Variants in SLC4A1AP observed in about 807,000 individuals in gnomAD.
The protein encoded by SLC4A1AP is kanadaptin.
A neutral mutation model predicts 89.7 loss-of-function variants in SLC4A1AP; 64 were observed. The observed-to-expected ratio is 0.71, with a 90% CI of 0.58 to 0.88. SLC4A1AP has a LOEUF of 0.88. SLC4A1AP is among the 40% of genes least tolerant of loss of function. The probability of loss-of-function intolerance (pLI) is 0.00; values close to 1 mark genes in which losing one functional copy is unlikely to be tolerated. For missense variants in SLC4A1AP, 931 were observed against 965.0 expected, an observed-to-expected ratio of 0.96 and a Z score of 0.47; for synonymous variants, 366 against 353.3, an observed-to-expected ratio of 1.04 and a Z score of -0.40.
At chr2:27,667,803 A>G (rs530500773) in intron 3 of SLC4A1AP, among the ~76,000 whole-genome samples, 4 of 151,638 alleles carry the variant, frequency 2.6e-5, no homozygotes, top group African/African-American at 9.7e-5. Flanking sequence ...TTTTCCATAG[A>G]GGATTGTTTT....
intron 7 of SLC4A1AP, 40 bp from the exon 8 acceptor site, chr2:27,677,698 G>C: frequency 4.0e-6 from 6 of 1,493,866 alleles, no homozygotes; most frequent in Non-Finnish European, 4.5e-6. Flanking sequence ...AAATATTCAG[G>C]ATCATCTTTC....
intron 3 of SLC4A1AP, among the ~76,000 whole-genome samples, chr2:27,668,310 G>A (rs1317336816): frequency 1.3e-5 from 2 of 151,956 alleles, no homozygotes; most frequent in South Asian, 2.1e-4. Context: ...CACCACGCCC[G>A]GCTAATTTTT....
Position 27,694,040 on chromosome 2 carries a change from C to T in SLC4A1AP, c.2341+286C>T, listed in dbSNP as rs140225007. 3.8e-3 allele frequency among the ~76,000 whole-genome samples: 575 copies of T among 152,180 alleles called. 1 individual carries two copies. The highest frequency in any genetic ancestry group is 0.013 in the African/African-American group (555 of 41,514). ...GTTTTTTGGAAAAAGTCCTTGTCTT[C>T]TAGGAATATATACGGAAGTGTTTAC... On this transcript the variant is annotated intron_variant, in intron 13 of 13. Transcript: ENST00000613058.
rs766748258 is a variant in SLC4A1AP, at chr2:27,664,419, G to A, written c.667G>A (p.Glu223Lys). The A allele has an allele frequency of 1.7e-5, 27 of 1,614,120 alleles. No individual in the cohort carries two copies. In the Admixed American group the frequency reaches 2.5e-4, roughly 15 times the overall value. Reference sequence around the variant, plus strand: ...GCACAGGGCGTCCGGCCCTGACGGAGAATGCGACAGCAACGGGCCGGGCTT... The same window carrying A: ...GCACAGGGCGTCCGGCCCTGACGGAAAATGCGACAGCAACGGGCCGGGCTT... The change falls in exon 1 of 14, where the codon GAA becomes AAA. Residue 223 changes from glutamate to lysine, a missense_variant. Glu to Lys is a moderately conservative substitution (Grantham distance 56). Coordinates refer to ENST00000613058, the Ensembl canonical transcript of SLC4A1AP.
At chr2:27,672,060 C>T (rs1212422266) in intron 5 of SLC4A1AP, among the ~76,000 whole-genome samples, 2 of 151,920 alleles carry the variant, frequency 1.3e-5, no homozygotes, top group East Asian at 1.9e-4. Context: ...CTTTTTTTTC[C>T]GCCTTGCCAG....
Position 27,688,042 on chromosome 2 carries a change from ATT to A in SLC4A1AP, c.2203+23_2203+24del, listed in dbSNP as rs75974603. The A allele has an allele frequency of 8.6e-3, 13,754 of 1,599,698 alleles. 83 individuals carry two copies. Among genetic ancestry groups the A allele is most frequent in the Middle Eastern group, 0.014 (83 of 6,030 alleles). On this transcript the variant is annotated intron_variant, in intron 11 of 13. Coordinates refer to ENST00000613058, the Ensembl canonical transcript of SLC4A1AP. ...TCAGGCAAGTAGTACGGCAGCCTTC[ATT>A]GCTGCTCTGCACACAGGTGGCTGAC... is the stretch of plus-strand genomic sequence containing the variant.
intron 13 of SLC4A1AP, 22 bp from the exon 14 acceptor site, chr2:27,694,612 C>CT: frequency 1.3e-6 from 2 of 1,527,608 alleles, no homozygotes; most frequent in South Asian, 1.3e-5. Flanking sequence ...TAATGTATTT[C>CT]TTTTTTTATA....
At chr2:27,677,266 T>G (rs1233313688) in intron 6 of SLC4A1AP, 29 bp from the exon 7 acceptor site, 41 of 1,474,748 alleles carry the variant, frequency 2.8e-5, no homozygotes, top group African/African-American at 4.2e-5. Flanking sequence ...AAGAAAAACT[T>G]TGTAACCCTG....
chr2:27,694,060 G>A (rs1219364406), intron 13 of SLC4A1AP, among the ~76,000 whole-genome samples: 2 of 152,126 alleles, frequency 1.3e-5, no homozygotes, highest in African/African-American at 2.4e-5. Context: ...ATACGGAAGT[G>A]TTTACAGGTG....
At chr2:27,668,202 G>C (rs1675364876) in intron 3 of SLC4A1AP, among the ~76,000 whole-genome samples, 1 of 151,818 alleles carries the variant, frequency 6.6e-6, no homozygotes, top group African/African-American at 2.4e-5. Flanking sequence ...AGGCTGGAGT[G>C]CAGTGGTGCG....
At chr2:27,683,812 T>A (rs1675659951) in intron 9 of SLC4A1AP, among the ~76,000 whole-genome samples, 1 of 152,164 alleles carries the variant, frequency 6.6e-6, no homozygotes, top group Non-Finnish European at 1.5e-5. Context: ...CTCGGCTCAC[T>A]GCAACCTCCT....
In SLC4A1AP at chr2:27,685,322, C is replaced by A. The variant is rs201067340; in HGVS notation, c.2116+45C>A. ...TCCTGTGTTGTTCAGTGGGCAGTTA[C>A]ATTGATTGTGGATAGGTTTTAAAAA... On this transcript the variant is annotated intron_variant, in intron 10 of 13. Transcript: ENST00000613058. 198 of 1,560,694 alleles carry A rather than the reference C, an allele frequency of 1.3e-4. 1 individual carries two copies. The highest frequency in any genetic ancestry group is 6.9e-4 in the Middle Eastern group (4 of 5,824).
chr2:27,681,267 G>T (rs1017874008), intron 8 of SLC4A1AP, among the ~76,000 whole-genome samples: 12 of 152,164 alleles, frequency 7.9e-5, no homozygotes, highest in African/African-American at 2.2e-4. Flanking sequence ...GGTGGCCTTA[G>T]CAAGGGAATG....
chr2:27,664,235 C>T (rs772690382), exon 1 of SLC4A1AP: 4 of 1,614,184 alleles, frequency 2.5e-6, no homozygotes, highest in Non-Finnish European at 3.4e-6. Flanking sequence ...CATGGGGTGG[C>T]CCTGCCACAG....
At chr2:27,673,062 A>T (rs771840587) in intron 5 of SLC4A1AP, among the ~76,000 whole-genome samples, 27 of 152,222 alleles carry the variant, frequency 1.8e-4, no homozygotes, top group Non-Finnish European at 3.1e-4. Context: ...TCTACTGCAG[A>T]TGGAAAGGAG....
At chr2:27,693,528 C>G in intron 12 of SLC4A1AP, 157 bp from the exon 13 acceptor site, 1 of 590,470 alleles carries the variant, frequency 1.7e-6, no homozygotes, top group Non-Finnish European at 3.0e-6. Flanking sequence ...CTTTATTTCT[C>G]TTTCATTCAT....
chr2:27,693,412 G>T, intron 12 of SLC4A1AP: 1 of 398,914 alleles, frequency 2.5e-6, no homozygotes, highest in South Asian at 4.8e-5. Context: ...TTCTATTCTG[G>T]TGCATGCCAA....
chr2:27,677,493 T>C (rs1675543270), intron 7 of SLC4A1AP, 129 bp downstream of exon 7: 1 of 704,102 alleles, frequency 1.4e-6, no homozygotes, highest in Non-Finnish European at 2.4e-6. Flanking sequence ...CATACCGTTT[T>C]AGAACTAGAA....
At chr2:27,678,875 T>C (rs189946172) in intron 8 of SLC4A1AP, among the ~76,000 whole-genome samples, 1 of 151,870 alleles carries the variant, frequency 6.6e-6, no homozygotes, top group Non-Finnish European at 1.5e-5. Context: ...TGCTCCACCA[T>C]ACCTGGCTAA....
Sources: allele counts gnomAD v4.1 joint callset (sites outside exome capture counted in the v4.1 genomes callset), GRCh38; gene constraint gnomAD v4.1.1; transcripts MANE v1.5; gene names NCBI Gene and HGNC (gene_info 2026-07-23, HGNC 2026-07-21).